FREM1: variants seen among roughly 807,000 people sequenced by gnomAD.
FREM1 encodes the protein FRAS1 related extracellular matrix 1, also known as FRAS1-related extracellular matrix protein 1.
FREM1 carries 220 observed loss-of-function variants against 210.1 expected under a neutral mutation model. The observed-to-expected ratio is 1.05, with a 90% CI of 0.94 to 1.17. FREM1 has a LOEUF of 1.17. Ranked by LOEUF, FREM1 falls within the 50% of genes most tolerant of loss-of-function variation. The pLI is 0.00. For synonymous variants in FREM1, 1,189 were observed against 980.2 expected (o/e 1.21, Z -3.98); for missense variants, 3,454 against 2,675.5 (o/e 1.29, Z -6.42).
chr9:14,821,315 G>A (rs894441270), intron 13 of FREM1, among the ~76,000 whole-genome samples: 28 of 151,484 alleles, frequency 1.8e-4, no homozygotes, highest in Non-Finnish European at 8.8e-5. Flanking sequence ...AAGCTACCCT[G>A]CCATTCTTTC....
At chr9:14,779,272 GGA>G (rs1849256313) in intron 24 of FREM1, among the ~76,000 whole-genome samples, 1 of 152,304 alleles carries the variant, frequency 6.6e-6, no homozygotes, top group Middle Eastern at 3.4e-3. Flanking sequence ...TGTGCTCTGT[GGA>G]GAGTGTTAAA....
chr9:14,821,789 G>C (rs1420283133), intron 13 of FREM1, among the ~76,000 whole-genome samples: 1 of 152,230 alleles, frequency 6.6e-6, no homozygotes, highest in East Asian at 1.9e-4. Context: ...GGCTGCTGTA[G>C]GGTGTGCGGG....
chr9:14,737,325 A>T lies in FREM1; in HGVS notation c.*71T>A. The T allele has an allele frequency of 1.7e-6, 2 of 1,158,920 alleles. No individual in the cohort carries two copies. Among genetic ancestry groups the T allele is most frequent in the Non-Finnish European group, 2.5e-6 (2 of 800,872 alleles). 71.8% of individuals were successfully genotyped at this position (1,158,920 alleles called of 1,614,324 possible). ...AATCATAACAATTTGTTTTCTATGGAGCAATATTCACAGATCCTGTGAATA... is the reference window on the plus strand; with the variant it reads ...AATCATAACAATTTGTTTTCTATGGTGCAATATTCACAGATCCTGTGAATA... On this transcript the variant is annotated 3_prime_UTR_variant, in exon 37 of 37. Coordinates refer to ENST00000380880, the MANE Select transcript of FREM1 (RefSeq NM_001379081.2).
Position 14,836,086 on chromosome 9 carries a change from C to G in FREM1, c.1881+5361G>C, listed in dbSNP as rs191538688. Reference sequence around the variant, plus strand: ...TGAGTAAGGTGCCCATAACTCTGAGCTTTCTTTGTTTGGGAAAATAAAACC... The same window carrying G: ...TGAGTAAGGTGCCCATAACTCTGAGGTTTCTTTGTTTGGGAAAATAAAACC... On this transcript the variant is annotated intron_variant, in intron 10 of 36. Coordinates refer to ENST00000380880, the MANE Select transcript of FREM1 (RefSeq NM_001379081.2). This position sits in a 1 kb window ranked among gnomAD's most constrained non-coding sequence, Gnocchi z 4.9. 3.7e-4 allele frequency among the ~76,000 whole-genome samples: 56 copies of G among 152,336 alleles called. No homozygotes were observed. The highest frequency in any genetic ancestry group is 2.3e-3 in the East Asian group (12 of 5,182).
At position 14,805,153 on chromosome 9, in the gene FREM1, C is replaced by G; in HGVS notation, c.3275-1G>C. Reference sequence around the variant, plus strand: ...TTCATGTCTTTCCACTGAAATGAATCTAGAGCACACCAAGATGGAACAGAT... The same window carrying G: ...TTCATGTCTTTCCACTGAAATGAATGTAGAGCACACCAAGATGGAACAGAT... On this transcript the variant is annotated splice_acceptor_variant, in intron 18 of 36. Transcript: ENST00000380880. LOFTEE classifies it high-confidence loss of function. 6.5e-7 allele frequency: 1 copy of G among 1,537,008 alleles called. No individual in the cohort carries two copies. Among genetic ancestry groups the G allele is most frequent in the South Asian group, 1.3e-5 (1 of 76,134 alleles).
intron 23 of FREM1, among the ~76,000 whole-genome samples, chr9:14,784,850 A>T (rs1850165915): frequency 6.6e-6 from 1 of 152,258 alleles, no homozygotes; most frequent in African/African-American, 2.4e-5. Flanking sequence ...AGATATTTTT[A>T]AATGCTCAAG....
rs1212010771 is a variant in FREM1 at position 14,861,268 on chromosome 9, C to CACATATATACATATAT, written c.330-1800_330-1785dup. Among the ~76,000 whole-genome samples the CACATATATACATATAT allele has an allele frequency of 1.7e-3, 148 of 88,458 alleles. 22 individuals carry two copies. Among genetic ancestry groups the CACATATATACATATAT allele is most frequent in the African/African-American group, 9.9e-3 (140 of 14,188 alleles). The allele number at this position is 88,458 out of a possible 152,430, so 58.0% of individuals were successfully genotyped here. On this transcript the variant is annotated intron_variant, in intron 3 of 36. Transcript: ENST00000380880. ...ACATATATACATATATACACATATA[C>CACATATATACATATAT]ACATATATACATATATACATATATA...
chr9:14,861,302 C>CACATAT, intron 3 of FREM1, among the ~76,000 whole-genome samples: 1 of 109,790 alleles, frequency 9.1e-6, no homozygotes, highest in South Asian at 2.5e-4. Context: ...TACATATATA[C>CACATAT]ACATATATAC....
At chr9:14,868,493 C>T (rs965024550) in intron 2 of FREM1, among the ~76,000 whole-genome samples, 1 of 152,196 alleles carries the variant, frequency 6.6e-6, no homozygotes, top group Non-Finnish European at 1.5e-5. Flanking sequence ...GGATTAAATC[C>T]TGCTGGTTTC....
At chr9:14,749,492 G>A (rs140165754) in intron 30 of FREM1, among the ~76,000 whole-genome samples, 18 of 152,186 alleles carry the variant, frequency 1.2e-4, no homozygotes, top group Non-Finnish European at 2.4e-4. Flanking sequence ...ACGAACACTC[G>A]TCAAATGCTA....
intron 24 of FREM1, among the ~76,000 whole-genome samples, chr9:14,776,692 T>C (rs1306580383): frequency 6.6e-6 from 1 of 152,234 alleles, no homozygotes; most frequent in Non-Finnish European, 1.5e-5. Flanking sequence ...TTTAGCTAAT[T>C]CATTCTACTC....
chr9:14,827,918 C>G (rs1302213484), intron 10 of FREM1, among the ~76,000 whole-genome samples: 2 of 152,236 alleles, frequency 1.3e-5, no homozygotes, highest in Non-Finnish European at 2.9e-5. Context: ...AGAAGTAGGC[C>G]TTGGCACAAA....
chr9:14,906,711 G>T (rs1219042196), intron 1 of FREM1, among the ~76,000 whole-genome samples: 1 of 152,204 alleles, frequency 6.6e-6, no homozygotes, highest in African/African-American at 2.4e-5. Flanking sequence ...GGCAGTGGGT[G>T]TGGGCTAATG....
At chr9:14,871,417 AT>A (rs1196877848) in intron 1 of FREM1, among the ~76,000 whole-genome samples, 1 of 152,028 alleles carries the variant, frequency 6.6e-6, no homozygotes, top group African/African-American at 2.4e-5. Flanking sequence ...GATGGTGAGC[AT>A]TTTTTCATGT....
In FREM1 at chr9:14,784,516, G is replaced by A. The variant is rs1461905999; in HGVS notation, c.4296C>T (p.Val1432=). The stretch of plus-strand genomic sequence containing the variant: ...GGCCATATCGCGGAGGGGAGGTGAT[G>A]ACATAGAGCAGTTCCTCAGGCTTGT... ...GTDKPEELLY[V]ITSPPRYGQI... is the part of the protein sequence containing the mutation. The change falls in exon 24 of 37, where the codon GTC becomes GTT. Residue 1432 remains valine (V), a synonymous_variant. Transcript: ENST00000380880. The A allele has an allele frequency of 6.2e-7, 1 of 1,613,862 alleles. No homozygotes were observed.
At chr9:14,797,715 C>G in intron 20 of FREM1, 73 bp from the exon 21 acceptor site, 4 of 1,302,140 alleles carry the variant, frequency 3.1e-6, no homozygotes, top group Non-Finnish European at 4.3e-6. Flanking sequence ...CAGATAATGT[C>G]TTAATTTTCA....
At chr9:14,900,813 C>T (rs948894907) in intron 1 of FREM1, among the ~76,000 whole-genome samples, 1 of 152,168 alleles carries the variant, frequency 6.6e-6, no homozygotes, top group Non-Finnish European at 1.5e-5. Flanking sequence ...GCTTTGGCGC[C>T]AGTCCCCTTA....
intron 20 of FREM1, among the ~76,000 whole-genome samples, chr9:14,800,532 T>C (rs963276972): frequency 1.3e-5 from 2 of 152,184 alleles, no homozygotes; most frequent in Non-Finnish European, 2.9e-5. Flanking sequence ...ATAATGAGCA[T>C]TATTATATGT....
chr9:14,796,703 C>G (rs1232552652), intron 21 of FREM1, among the ~76,000 whole-genome samples: 3 of 152,074 alleles, frequency 2.0e-5, no homozygotes, highest in African/African-American at 7.2e-5. Flanking sequence ...AGGGGCTTTC[C>G]CCTTTACTGG....
Sources: gnomAD v4.1 joint callset for allele counts (sites outside exome capture counted in the v4.1 genomes callset) on GRCh38, gnomAD v4.1.1 for gene constraint, Gnocchi (gnomAD v3.1) non-coding constraint, MANE v1.5 for transcripts, NCBI Gene and HGNC (gene_info 2026-07-23, HGNC 2026-07-21) for gene names.